Variants in DPP10 observed in about 807,000 individuals in gnomAD.
The protein encoded by DPP10 is inactive dipeptidyl peptidase 10.
DPP10 carries 33 observed loss-of-function variants against 120.9 expected under a neutral mutation model. The observed-to-expected ratio is 0.27, with a 90% CI of 0.21 to 0.37. The LOEUF (loss-of-function observed/expected upper bound fraction) is 0.37. Ranked by LOEUF, DPP10 falls within the 10% of genes least tolerant of loss-of-function variation. DPP10 has a pLI of 1.00. For synonymous variants in DPP10, 337 were observed against 326.1 expected, an observed-to-expected ratio of 1.03 and a Z score of -0.36; for missense variants, 816 against 942.8, an observed-to-expected ratio of 0.87 and a Z score of 1.76.
chr2:114,595,750 A>G (rs1009818135), intron 1 of DPP10, among the ~76,000 whole-genome samples: 2 of 152,124 alleles, frequency 1.3e-5, no homozygotes, highest in Non-Finnish European at 2.9e-5. Context: ...AAGCAATTCT[A>G]TAGAGAGCAG....
At chr2:115,388,792 T>C (rs2067130321) in intron 3 of DPP10, among the ~76,000 whole-genome samples, 1 of 152,226 alleles carries the variant, frequency 6.6e-6, no homozygotes, top group Non-Finnish European at 1.5e-5. Context: ...AATGAGATTT[T>C]AGTTTACATT....
chr2:115,282,881 C>T (rs2060217208), intron 1 of DPP10, among the ~76,000 whole-genome samples: 1 of 151,988 alleles, frequency 6.6e-6, no homozygotes, highest in African/African-American at 2.4e-5. Flanking sequence ...ATAGCAATAT[C>T]TTAGCTCAAT....
intron 1 of DPP10, among the ~76,000 whole-genome samples, chr2:115,135,174 C>T (rs1559134286): frequency 6.6e-6 from 1 of 151,686 alleles, no homozygotes; most frequent in Admixed American, 6.6e-5. Flanking sequence ...TACGTAAAAA[C>T]AGCATATTGT....
intron 1 of DPP10, among the ~76,000 whole-genome samples, chr2:114,541,893 T>A (rs2104807940): frequency 6.6e-6 from 1 of 152,210 alleles, no homozygotes; most frequent in Non-Finnish European, 1.5e-5. Context: ...GGGATTATGG[T>A]TTTTATTTTA....
chr2:115,318,860 A>G (rs1320795850), intron 2 of DPP10, among the ~76,000 whole-genome samples: 1 of 152,176 alleles, frequency 6.6e-6, no homozygotes, highest in Non-Finnish European at 1.5e-5. Context: ...ATGTGTGAAC[A>G]GAGATAGTTT....
chr2:115,003,159 C>T (rs190825225), intron 1 of DPP10, among the ~76,000 whole-genome samples: 3 of 133,266 alleles, frequency 2.3e-5, no homozygotes, highest in African/African-American at 8.5e-5. Context: ...GGTACACATA[C>T]ATATACTATG....
intron 5 of DPP10, among the ~76,000 whole-genome samples, chr2:115,651,090 A>T (rs2087729840): frequency 6.6e-6 from 1 of 152,030 alleles, no homozygotes; most frequent in South Asian, 2.1e-4. Context: ...TCCATTATAG[A>T]TTATCAGAAA....
intron 1 of DPP10, among the ~76,000 whole-genome samples, chr2:114,757,374 T>A: frequency 9.9e-6 from 1 of 101,136 alleles, no homozygotes; most frequent in Non-Finnish European, 1.9e-5. Flanking sequence ...GAGGGAGAAG[T>A]AAAAGAAGGA....
At chr2:115,007,459 C>A (rs1204444032) in intron 1 of DPP10, among the ~76,000 whole-genome samples, 4 of 152,124 alleles carry the variant, frequency 2.6e-5, no homozygotes, top group Admixed American at 2.6e-4. Flanking sequence ...GACAAACCCA[C>A]AGCCAATATC....
At chr2:114,991,232 T>C (rs1023845403) in intron 1 of DPP10, among the ~76,000 whole-genome samples, 3 of 152,280 alleles carry the variant, frequency 2.0e-5, no homozygotes, top group Middle Eastern at 3.4e-3. Context: ...CCTAGCCAAC[T>C]GTCCAGGGCA....
intron 5 of DPP10, among the ~76,000 whole-genome samples, chr2:115,590,110 C>T (rs1475318213): frequency 7.1e-6 from 1 of 140,172 alleles, no homozygotes; most frequent in Non-Finnish European, 1.5e-5. Flanking sequence ...AACCTGCTTT[C>T]CTTTTCTTTT....
rs192743707 is a variant in DPP10 at position 114,806,517 on chromosome 2, A to G, written c.60+363679A>G. Among the ~76,000 whole-genome samples the G allele has an allele frequency of 2.0e-3, 312 of 152,318 alleles. 6 individuals carry two copies. The highest frequency in any genetic ancestry group is 0.01 in the Middle Eastern group (3 of 294). ...CAGGGAAGTTTGCTTATTTCTTTTC[A>G]TTATATTGCTTTTTTGTCGTAATAC... On this transcript the variant is annotated intron_variant, in intron 1 of 25. Coordinates refer to ENST00000410059, the MANE Select transcript of DPP10 (RefSeq NM_020868.6).
intron 1 of DPP10, among the ~76,000 whole-genome samples, chr2:114,488,017 C>G (rs1462564616): frequency 6.6e-6 from 1 of 152,140 alleles, no homozygotes; most frequent in Non-Finnish European, 1.5e-5. Context: ...TGTTTTATTC[C>G]AATAAAGTCT....
intron 3 of DPP10, among the ~76,000 whole-genome samples, chr2:115,396,800 T>C (rs2067711203): frequency 6.6e-6 from 1 of 152,110 alleles, no homozygotes; most frequent in Admixed American, 6.6e-5. Flanking sequence ...CCATCCTCAT[T>C]GCACAATCCA....
intron 3 of DPP10, among the ~76,000 whole-genome samples, chr2:115,428,042 C>G (rs1559590239): frequency 6.6e-6 from 1 of 152,186 alleles, no homozygotes; most frequent in Non-Finnish European, 1.5e-5. Flanking sequence ...TGAACAGAAT[C>G]CAGCCAAGAT....
intron 1 of DPP10, among the ~76,000 whole-genome samples, chr2:114,937,091 T>C (rs1696543049): frequency 6.6e-6 from 1 of 152,174 alleles, no homozygotes; most frequent in Non-Finnish European, 1.5e-5. Flanking sequence ...AGAAGCTTTT[T>C]AGTTTAAGTT....
intron 1 of DPP10, among the ~76,000 whole-genome samples, chr2:114,686,300 G>A (rs879500073): frequency 1.3e-5 from 2 of 151,872 alleles, no homozygotes; most frequent in Admixed American, 6.6e-5. Flanking sequence ...TACTTTAAAA[G>A]GTTAGTGGAT....
At chr2:115,707,480 A>G (rs1283090561) in intron 7 of DPP10, among the ~76,000 whole-genome samples, 7 of 150,148 alleles carry the variant, frequency 4.7e-5, no homozygotes, top group East Asian at 2.0e-4. Context: ...CACATTTTTT[A>G]TTGGAATACG....
chr2:115,508,838 G>A (rs562784367), intron 4 of DPP10, among the ~76,000 whole-genome samples: 114 of 152,310 alleles, frequency 7.5e-4, no homozygotes, highest in Middle Eastern at 6.8e-3. Context: ...GGGAGGCGGA[G>A]GTTGCAGTGA....
Sources: allele counts gnomAD v4.1 joint callset (sites outside exome capture counted in the v4.1 genomes callset), GRCh38; gene constraint gnomAD v4.1.1; transcripts MANE v1.5; gene names NCBI Gene and HGNC (gene_info 2026-07-23, HGNC 2026-07-21).